The following FAM120C variants were observed in gnomAD, a reference collection of about 807,000 sequenced individuals.
FAM120C encodes the protein constitutive coactivator of PPAR-gamma-like protein 2.
Under a neutral mutation model 71.2 loss-of-function variants are expected in FAM120C, and 14 were observed. The observed-to-expected ratio is 0.20, with a 90% CI of 0.13 to 0.31. FAM120C has a LOEUF of 0.31. FAM120C is among the 10% of genes least tolerant of loss of function. FAM120C has a pLI of 1.00. For missense variants in FAM120C, 500 were observed against 879.0 expected, an observed-to-expected ratio of 0.57 and a Z score of 5.45; for synonymous variants, 354 against 353.2, an observed-to-expected ratio of 1.00 and a Z score of -0.03.
At chrX:54,081,043 C>T (rs993187931) in intron 14 of FAM120C, among the ~76,000 whole-genome samples, 4 of 108,783 alleles carry the variant, frequency 3.7e-5, no homozygotes, top group African/African-American at 1.0e-4. Context: ...TGGTGATGCA[C>T]ATCTGTGGTC....
At chrX:54,095,608 A>G (rs1241380968) in intron 10 of FAM120C, among the ~76,000 whole-genome samples, 1 of 111,290 alleles carries the variant, frequency 9.0e-6, no homozygotes, top group Non-Finnish European at 1.9e-5. Context: ...CGGCCTCCCA[A>G]AGTGTTGGTA....
chrX:54,148,958 A>G (rs1352746201), intron 4 of FAM120C, among the ~76,000 whole-genome samples: 2 of 111,968 alleles, frequency 1.8e-5, no homozygotes, highest in Non-Finnish European at 3.8e-5. Context: ...TCATTTGTCA[A>G]TTAAAAAAAT....
At chrX:54,118,576 G>A (rs1360051446) in intron 9 of FAM120C, among the ~76,000 whole-genome samples, 4 of 109,421 alleles carry the variant, frequency 3.7e-5, no homozygotes, top group South Asian at 4.1e-4. Flanking sequence ...CAGCATTTAC[G>A]GGTGATCCAG....
chrX:54,072,950 A>C lies in FAM120C; in HGVS notation c.*83T>G. 3.7e-6 allele frequency: 4 copies of C among 1,080,338 alleles called. No individual in the cohort carries two copies. Among genetic ancestry groups the C allele is most frequent in the Non-Finnish European group, 4.9e-6 (4 of 811,304 alleles). 89.0% of individuals were successfully genotyped at this position (1,080,338 alleles called of 1,213,427 possible). ...CTGGAGAAATCTAGGGTAAGCATTTATATCCTCCTCTAGCTTGGGCCTAAA... is the reference window on the plus strand; with the variant it reads ...CTGGAGAAATCTAGGGTAAGCATTTCTATCCTCCTCTAGCTTGGGCCTAAA... On this transcript the variant is annotated 3_prime_UTR_variant, in exon 16 of 16. Transcript: ENST00000375180.
chrX:54,157,048 C>CA (rs1480762107), intron 3 of FAM120C, among the ~76,000 whole-genome samples: 6 of 107,140 alleles, frequency 5.6e-5, no homozygotes, highest in Admixed American at 2.0e-4. Flanking sequence ...GACTCTGTCT[C>CA]AAAAAAAAAG....
At chrX:54,112,007 A>G (rs1402304224) in intron 10 of FAM120C, among the ~76,000 whole-genome samples, 1 of 112,390 alleles carries the variant, frequency 8.9e-6, no homozygotes, top group Admixed American at 9.5e-5. Flanking sequence ...GATCTTTGAT[A>G]AAGTTGACAA....
intron 4 of FAM120C, among the ~76,000 whole-genome samples, chrX:54,140,400 C>A (rs1351361717): frequency 9.2e-6 from 1 of 108,848 alleles, no homozygotes; most frequent in Non-Finnish European, 1.9e-5. Flanking sequence ...GGGTGGATCA[C>A]CTGAGTTCAG....
intron 10 of FAM120C, among the ~76,000 whole-genome samples, chrX:54,103,769 T>C (rs1261627269): frequency 1.0e-5 from 1 of 97,840 alleles, no homozygotes; most frequent in Non-Finnish European, 2.1e-5. Flanking sequence ...TTTTTTTTTT[T>C]CCAATAACAG....
Position 54,146,517 on chromosome X carries a change from C to T in FAM120C, c.1158+4728G>A, listed in dbSNP as rs149681526. 1.6e-3 allele frequency among the ~76,000 whole-genome samples: 176 copies of T among 110,178 alleles called. 2 individuals carry two copies. The highest frequency in any genetic ancestry group is 5.5e-3 in the African/African-American group (168 of 30,341). On this transcript the variant is annotated intron_variant, in intron 4 of 15. Coordinates refer to ENST00000375180, the MANE Select transcript of FAM120C (RefSeq NM_017848.6). ...GTAACATAGCGGGACCTTATCTCTA[C>T]AAAAAATTTAAAAATTAGCCAGGCA...
In FAM120C at chrX:54,182,892, G is replaced by T. The variant is rs1557137690; in HGVS notation, c.307C>A (p.Pro103Thr). ...HHGQAQPGLH[P>T]PLPPPPPPQL... is the part of the protein sequence containing the mutation. The stretch of plus-strand genomic sequence containing the variant: ...GGGGGCGGCGGCGGCGGCAGCGGAG[G>T]GTGCAGCCCGGGCTGCGCTTGGCCA... The change falls in exon 1 of 16, where the codon CCT becomes ACT. Residue 103 changes from proline (P) to threonine (T), a missense_variant. Coordinates refer to ENST00000375180, the MANE Select transcript of FAM120C (RefSeq NM_017848.6). The T allele has an allele frequency of 2.7e-6, 3 of 1,131,492 alleles. No homozygotes were observed. The highest frequency in any genetic ancestry group is 3.5e-6 in the Non-Finnish European group (3 of 859,800). The allele number at this position is 1,131,492 out of a possible 1,213,427, so 93.2% of individuals were successfully genotyped here. A position where few individuals can be genotyped will look rare whatever the true frequency, so the allele number is the denominator to read the frequency against.
intron 9 of FAM120C, among the ~76,000 whole-genome samples, chrX:54,125,863 G>T (rs1267618806): frequency 8.9e-6 from 1 of 112,224 alleles, no homozygotes; most frequent in African/African-American, 3.2e-5. Flanking sequence ...ATGAACATCT[G>T]TATCTCTCCA....
intron 4 of FAM120C, among the ~76,000 whole-genome samples, chrX:54,142,079 A>T (rs1352464056): frequency 8.9e-6 from 1 of 112,223 alleles, no homozygotes; most frequent in Non-Finnish European, 1.9e-5. Context: ...AGATGTATAG[A>T]CAAGATTATT....
intron 9 of FAM120C, among the ~76,000 whole-genome samples, chrX:54,118,396 T>G (rs1033662335): frequency 9.0e-6 from 1 of 110,834 alleles, no homozygotes; most frequent in African/African-American, 3.3e-5. Context: ...TGCTTCCAGT[T>G]TGGGGTCATA....
chrX:54,163,508 G>C (rs150901033), intron 1 of FAM120C, among the ~76,000 whole-genome samples: 2,180 of 111,503 alleles, frequency 0.02, 22 homozygotes, highest in Middle Eastern at 0.07. Flanking sequence ...GTAGTTGCCA[G>C]GGATTGTGGG....
At chrX:54,129,082 C>T (rs1380259124) in intron 9 of FAM120C, among the ~76,000 whole-genome samples, 3 of 102,670 alleles carry the variant, frequency 2.9e-5, no homozygotes, top group Admixed American at 2.1e-4. Flanking sequence ...CCGGACGGGG[C>T]GGCCGGCCGG....
chrX:54,073,461 C>T (rs921646874), intron 15 of FAM120C, among the ~76,000 whole-genome samples, 174 bp from the exon 16 acceptor site: 5 of 108,637 alleles, frequency 4.6e-5, no homozygotes, highest in African/African-American at 1.7e-4. Flanking sequence ...GACGGAGTCT[C>T]GCTCTGTCGC....
chrX:54,142,616 A>G (rs1369911274), intron 4 of FAM120C, among the ~76,000 whole-genome samples: 1 of 111,995 alleles, frequency 8.9e-6, no homozygotes, highest in African/African-American at 3.2e-5. Flanking sequence ...GGAGCCCACC[A>G]CAGCTCAAGG....
At chrX:54,099,804 C>T (rs1557123892) in intron 10 of FAM120C, among the ~76,000 whole-genome samples, 1 of 112,076 alleles carries the variant, frequency 8.9e-6, no homozygotes, top group East Asian at 2.8e-4. Flanking sequence ...TCTGGACACT[C>T]GAATGTAACT....
chrX:54,112,273 G>A (rs189604235), intron 10 of FAM120C, among the ~76,000 whole-genome samples: 19 of 110,289 alleles, frequency 1.7e-4, no homozygotes, highest in African/African-American at 4.6e-4. Flanking sequence ...AAAACTTAGC[G>A]GGGAAGGGTA....
Sources: gnomAD v4.1 joint callset for allele counts (sites outside exome capture counted in the v4.1 genomes callset) on GRCh38, gnomAD v4.1.1 for gene constraint, MANE v1.5 for transcripts, NCBI Gene and HGNC (gene_info 2026-07-23, HGNC 2026-07-21) for gene names.